STX16: variants seen among roughly 807,000 people sequenced by gnomAD.
STX16 encodes syntaxin 16.
STX16 carries 28 observed loss-of-function variants against 42.7 expected under a neutral mutation model. The observed-to-expected ratio is 0.66, with a 90% confidence interval of 0.49 to 0.90. The LOEUF is 0.90. STX16 is among the 40% of genes least tolerant of loss of function. The probability of loss-of-function intolerance (pLI) is 0.00; values close to 1 mark genes in which losing one functional copy is unlikely to be tolerated. For synonymous variants in STX16, 156 were observed against 155.2 expected (o/e 1.00, Z -0.04); for missense variants, 361 against 420.9 (o/e 0.86, Z 1.24).
Position 58,652,832 on chromosome 20 carries a change from G to A in STX16, c.132+694G>A, listed in dbSNP as rs182663074. Among the ~76,000 whole-genome samples the A allele has an allele frequency of 1.4e-3, 218 of 152,010 alleles. No homozygotes were observed. The Middle Eastern group carries it at 0.024, about 17-fold the overall frequency. On this transcript the variant is annotated intron_variant, in intron 1 of 8. Transcript: ENST00000371141. ...AACTTTTTAAAAAAAGCCTGAGGAG[G>A]TATATGTGAAAATTAACCCCGTAAA... is the stretch of plus-strand genomic sequence containing the variant.
chr20:58,661,202 C>T (rs1033904163), intron 2 of STX16, among the ~76,000 whole-genome samples: 1 of 152,184 alleles, frequency 6.6e-6, no homozygotes, highest in African/African-American at 2.4e-5. Context: ...AATTATGGAA[C>T]CACTTAGGTT....
Position 58,659,631 on chromosome 20 carries a change from C to G in STX16, c.141C>G (p.Asp47Glu), listed in dbSNP as rs73598392. Residue 47 changes from aspartate to glutamate, a missense_variant, in exon 2 of 9, where the codon GAC becomes GAG. Transcript: ENST00000371141. ...LHSRSIAAEL[D>E]ELADDRMALV... ...ACAACATGTCTCTTCAGGAGCTGGA[C>G]GAGGTATTGTGTTTTGAATATTTTT... 7 of 1,612,472 alleles carry G rather than the reference C, an allele frequency of 4.3e-6. No individual in the cohort carries two copies. The South Asian group carries it at 6.6e-5, about 15-fold the overall frequency.
intron 2 of STX16, chr20:58,667,190 C>A: frequency 2.1e-6 from 1 of 466,948 alleles, no homozygotes; most frequent in Non-Finnish European, 4.1e-6. Flanking sequence ...TTTTTCATTA[C>A]ATTTCTATAG....
At chr20:58,674,090 C>T (rs772787162) in intron 8 of STX16, among the ~76,000 whole-genome samples, 7 of 152,154 alleles carry the variant, frequency 4.6e-5, no homozygotes, top group Non-Finnish European at 1.0e-4. Flanking sequence ...CTGCTTGTTG[C>T]CGTTGACTTG....
rs11578 is a variant in STX16, at chr20:58,678,219, C to T, written c.*1928C>T. 36,410 of 152,168 alleles carry T rather than the reference C, an allele frequency of 0.24. 4,623 individuals are homozygous for T. The highest frequency in any genetic ancestry group is 0.28 in the Non-Finnish European group (19,111 of 67,996). The allele number at this position is 152,168 out of a possible 1,614,324, so 9.4% of individuals were successfully genotyped here. On this transcript the variant is annotated 3_prime_UTR_variant, in exon 9 of 9. Transcript: ENST00000371141. ...TGTTCAAGCTTTTTAAAGTGCTGAG[C>T]CTTACAAACCCCTGAAGGAAAGTGA...
intron 8 of STX16, among the ~76,000 whole-genome samples, chr20:58,675,723 C>T (rs1030027440): frequency 1.3e-5 from 2 of 152,182 alleles, no homozygotes; most frequent in Non-Finnish European, 2.9e-5. Context: ...GGGGCCTCTT[C>T]CGGGTGTCTG....
chr20:58,676,707 A>G lies in STX16; in HGVS notation c.*416A>G, dbSNP rs1285416794. On this transcript the variant is annotated 3_prime_UTR_variant, in exon 9 of 9. Transcript: ENST00000371141. ...TTTTTGGAAAAATTTTCTTTAAACC[A>G]TCTGGTTTTTAAGAAATTTGGTACC... 6.5e-6 allele frequency: 1 copy of G among 153,620 alleles called. No individual in the cohort carries two copies. Among genetic ancestry groups the G allele is most frequent in the Non-Finnish European group, 1.5e-5 (1 of 68,850 alleles). The allele number at this position is 153,620 out of a possible 1,614,324, so 9.5% of individuals were successfully genotyped here.
intron 2 of STX16, among the ~76,000 whole-genome samples, chr20:58,662,537 G>A (rs981325806): frequency 3.3e-5 from 5 of 152,232 alleles, no homozygotes; most frequent in African/African-American, 1.2e-4. Flanking sequence ...TTGAGACAGA[G>A]TCTCACTCTG....
Position 58,676,405 on chromosome 20 carries a change from C to T in STX16, c.*114C>T, listed in dbSNP as rs191638951. ...GCAGCCTCGAGGAATCTGAGGGCGT[C>T]GGGGCAGCGAACCTTTGCATCCACG... On this transcript the variant is annotated 3_prime_UTR_variant, in exon 9 of 9. Transcript: ENST00000371141. 684 of 904,554 alleles carry T rather than the reference C, an allele frequency of 7.6e-4. No homozygotes were observed. The highest frequency in any genetic ancestry group is 1.1e-3 in the Non-Finnish European group (597 of 556,102). The allele number at this position is 904,554 out of a possible 1,614,324, so 56.0% of individuals were successfully genotyped here. A position where few individuals can be genotyped will look rare whatever the true frequency, so the allele number is the denominator to read the frequency against.
rs1048209349 is a variant in STX16, at chr20:58,677,607, T to C, written c.*1316T>C. On this transcript the variant is annotated 3_prime_UTR_variant, in exon 9 of 9. Coordinates refer to ENST00000371141, the MANE Select transcript of STX16 (RefSeq NM_001001433.3). ...TGTTTTAATTGACACTAGTAGAGTT[T>C]TAATGGTCTTTGTGTAAATTTTAAT... 1 of 152,248 alleles carries C rather than the reference T, an allele frequency of 6.6e-6. No individual in the cohort carries two copies. The highest frequency in any genetic ancestry group is 1.5e-5 in the Non-Finnish European group (1 of 68,042). The allele number at this position is 152,248 out of a possible 1,614,324, so 9.4% of individuals were successfully genotyped here. A position where few individuals can be genotyped will look rare whatever the true frequency, so the allele number is the denominator to read the frequency against.
At chr20:58,672,752 A>G (rs2084010607) in intron 7 of STX16, among the ~76,000 whole-genome samples, 1 of 152,240 alleles carries the variant, frequency 6.6e-6, no homozygotes, top group African/African-American at 2.4e-5. Context: ...CTGACGCTAT[A>G]GAAGATTTCC....
At chr20:58,676,135 G>C in intron 8 of STX16, 52 bp from the exon 9 acceptor site, 2 of 1,508,158 alleles carry the variant, frequency 1.3e-6, no homozygotes, top group South Asian at 2.3e-5. Flanking sequence ...AGTGGGACTT[G>C]ATTTGGGATT....
intron 7 of STX16, among the ~76,000 whole-genome samples, chr20:58,673,158 AG>A (rs2084021238): frequency 1.3e-5 from 2 of 152,290 alleles, no homozygotes; most frequent in Admixed American, 6.5e-5. Flanking sequence ...TCTGACCCAT[AG>A]AGATGTGGAT....
Position 58,677,479 on chromosome 20 carries a change from T to G in STX16, c.*1188T>G, listed in dbSNP as rs2084158856. 6.6e-6 allele frequency: 1 copy of G among 152,500 alleles called. No homozygotes were observed. The highest frequency in any genetic ancestry group is 2.1e-4 in the South Asian group (1 of 4,824). 9.4% of individuals were successfully genotyped at this position (152,500 alleles called of 1,614,324 possible). A position where few individuals can be genotyped will look rare whatever the true frequency, so the allele number is the denominator to read the frequency against. The stretch of plus-strand genomic sequence containing the variant: ...AGACCGCCAAAGTAGGACTTCATCG[T>G]TTACCTACCTATTATCAATATGGTG... On this transcript the variant is annotated 3_prime_UTR_variant, in exon 9 of 9. Coordinates refer to ENST00000371141, the MANE Select transcript of STX16 (RefSeq NM_001001433.3).
rs1600977629 is a variant in STX16 at position 58,651,916 on chromosome 20, T to G, written c.-91T>G. The G allele has an allele frequency of 7.1e-7, 1 of 1,412,570 alleles. No homozygotes were observed. 87.5% of individuals were successfully genotyped at this position (1,412,570 alleles called of 1,614,324 possible). ...TTGTCGAGAAGCTTCCGTGAAAGGGTGGGCCAGCCGGGCCACGAGAAAGAA... is the reference window on the plus strand; with the variant it reads ...TTGTCGAGAAGCTTCCGTGAAAGGGGGGGCCAGCCGGGCCACGAGAAAGAA... On this transcript the variant is annotated 5_prime_UTR_variant, in exon 1 of 9. Transcript: ENST00000371141.
chr20:58,656,587 GT>G lies in STX16; in HGVS notation c.133-3034del, dbSNP rs1343593042. ...CTCCGGGAATGGATCTAATATAGGG[GT>G]TGGAGCTACTTTGTTAGTGTTTACT... On this transcript the variant is annotated intron_variant, in intron 1 of 8. Coordinates refer to ENST00000371141, the MANE Select transcript of STX16 (RefSeq NM_001001433.3). Among the ~76,000 whole-genome samples the G allele has an allele frequency of 7.9e-5, 12 of 152,298 alleles. No homozygotes were observed. In the East Asian group the frequency reaches 2.3e-3, roughly 29 times the overall value.
At chr20:58,663,970 G>A (rs925956848) in intron 2 of STX16, among the ~76,000 whole-genome samples, 1 of 152,196 alleles carries the variant, frequency 6.6e-6, no homozygotes, top group Non-Finnish European at 1.5e-5. Flanking sequence ...GAGCCACCAT[G>A]GCCAGCTGCA....
intron 2 of STX16, among the ~76,000 whole-genome samples, chr20:58,665,055 C>G (rs2083786650): frequency 6.6e-6 from 1 of 152,228 alleles, no homozygotes; most frequent in Non-Finnish European, 1.5e-5. Flanking sequence ...GTGCTGCGAG[C>G]TGGGCCTGTG....
At chr20:58,659,514 CT>C in intron 1 of STX16, 108 bp from the exon 2 acceptor site, 1 of 1,090,310 alleles carries the variant, frequency 9.2e-7, no homozygotes, top group Non-Finnish European at 1.3e-6. Context: ...AGCTTAAAAT[CT>C]CAGTGTTTTC....
Sources: gnomAD v4.1 joint callset for allele counts (sites outside exome capture counted in the v4.1 genomes callset) on GRCh38, gnomAD v4.1.1 for gene constraint, MANE v1.5 for transcripts, NCBI Gene and HGNC (gene_info 2026-07-23, HGNC 2026-07-21) for gene names.